CPSF4: variants seen among roughly 807,000 people sequenced by gnomAD.
The protein encoded by CPSF4 is cleavage and polyadenylation specificity factor subunit 4.
In CPSF4, 11 loss-of-function variants were observed where a neutral mutation model predicts 37.7. That is an observed-to-expected ratio of 0.29 (90% CI 0.18 to 0.48). The LOEUF is 0.48. Among genes scored for constraint, CPSF4 ranks in the 20% least tolerant of loss-of-function variants. The pLI, the probability that CPSF4 is intolerant of heterozygous loss-of-function variation, is 0.99. For synonymous variants in CPSF4, 132 were observed against 135.9 expected (o/e 0.97, Z 0.20); for missense variants, 144 against 359.5 (o/e 0.40, Z 4.85).
chr7:99,438,975 G>C lies in CPSF4; in HGVS notation c.-108G>C. 1 of 1,326,336 alleles carries C rather than the reference G, an allele frequency of 7.5e-7. No homozygotes were observed. Among genetic ancestry groups the C allele is most frequent in the Non-Finnish European group, 9.7e-7 (1 of 1,030,314 alleles). 82.2% of individuals were successfully genotyped at this position (1,326,336 alleles called of 1,614,324 possible). Reference sequence around the variant, plus strand: ...CTCGGGCGGCGGCGGCGGCGGCGGCGAGGCGAAGCGAAGGAGGAGTGTGTG... The same window carrying C: ...CTCGGGCGGCGGCGGCGGCGGCGGCCAGGCGAAGCGAAGGAGGAGTGTGTG... On this transcript the variant is annotated 5_prime_UTR_variant, in exon 1 of 8. Coordinates refer to ENST00000292476, the MANE Select transcript of CPSF4 (RefSeq NM_006693.4).
chr7:99,443,326 C>G, intron 1 of CPSF4: 1 of 936,734 alleles, frequency 1.1e-6, no homozygotes. Context: ...TCTTCTGTTT[C>G]ATCTCCTAGT....
chr7:99,442,747 G>T (rs1797131201), intron 1 of CPSF4: 2 of 579,072 alleles, frequency 3.5e-6, no homozygotes, highest in Non-Finnish European at 6.2e-6. Flanking sequence ...AAGTCAAACT[G>T]CCGCGGCAGT....
At chr7:99,452,496 C>CA in intron 6 of CPSF4, 56 bp downstream of exon 6, 1 of 1,485,672 alleles carries the variant, frequency 6.7e-7, no homozygotes, top group Non-Finnish European at 9.4e-7. Context: ...CAGCGAGAAC[C>CA]TCAGTGTCCC....
At chr7:99,443,306 G>GT in intron 1 of CPSF4, 3 of 859,032 alleles carry the variant, frequency 3.5e-6, no homozygotes, top group Non-Finnish European at 6.0e-6. Flanking sequence ...TTGACAAGGG[G>GT]TTTTTTTCTT....
chr7:99,444,643 G>T, intron 1 of CPSF4, 146 bp from the exon 2 acceptor site: 1 of 670,806 alleles, frequency 1.5e-6, no homozygotes, highest in East Asian at 2.8e-5. Flanking sequence ...GCTTGGTTGG[G>T]CTTTGCAAAT....
intron 5 of CPSF4, 200 bp downstream of exon 5, chr7:99,450,995 C>G (rs1797891014): frequency 1.8e-6 from 1 of 565,848 alleles, no homozygotes; most frequent in African/African-American, 1.9e-5. Flanking sequence ...CTGCCTAGAC[C>G]AGGAGCTGAT....
rs762892785 is a variant in CPSF4 at position 99,446,771 on chromosome 7, CTTTTTTTTTTTTTTTTTTTTT to C, written c.155-1333_155-1313del. Among the ~76,000 whole-genome samples, 60 of 29,126 alleles carry C rather than the reference CTTTTTTTTTTTTTTTTTTTTT, an allele frequency of 2.1e-3. 1 individual carries two copies. Among genetic ancestry groups the C allele is most frequent in the Middle Eastern group, 0.019 (1 of 52 alleles). 19.1% of individuals were successfully genotyped at this position (29,126 alleles called of 152,430 possible). On this transcript the variant is annotated intron_variant, in intron 2 of 7. Transcript: ENST00000292476. ...TACAGGTGTACACCACCATACCCAG[CTTTTTTTTTTTTTTTTTTTTT>C]TTTTTTTTTTTTTTTTAACGGAGTT...
Position 99,450,769 on chromosome 7 carries a change from G to A in CPSF4, c.471G>A (p.Pro157=), listed in dbSNP as rs747085181. ...ICVNYLVGFC[P]EGPSCKFMHP... Reference sequence around the variant, plus strand: ...TGAATTACCTCGTGGGATTCTGCCCGGAGGGGCCCTCGTGTAAATTCATGC... The same window carrying A: ...TGAATTACCTCGTGGGATTCTGCCCAGAGGGGCCCTCGTGTAAATTCATGC... The change falls in exon 5 of 8, where the codon CCG becomes CCA. Residue 157 remains proline, a synonymous_variant. Transcript: ENST00000292476. 40 of 1,613,734 alleles carry A rather than the reference G, an allele frequency of 2.5e-5. No individual in the cohort carries two copies. Among genetic ancestry groups the A allele is most frequent in the African/African-American group, 5.3e-5 (4 of 74,942 alleles).
chr7:99,454,534 C>T (rs1190130964), intron 7 of CPSF4, among the ~76,000 whole-genome samples: 2 of 152,102 alleles, frequency 1.3e-5, no homozygotes, highest in African/African-American at 4.8e-5. Context: ...GTTACAGCAC[C>T]CCTGTCCCCA....
In CPSF4 at chr7:99,456,479, G is replaced by A. The variant is rs748778614; in HGVS notation, c.789G>A (p.Leu263=). The A allele has an allele frequency of 5.6e-5, 90 of 1,614,048 alleles. No homozygotes were observed. The highest frequency in any genetic ancestry group is 6.9e-5 in the Non-Finnish European group (82 of 1,180,048). The change falls in exon 8 of 8, where the codon TTG becomes TTA. Residue 263 remains leucine (L), a synonymous_variant. Coordinates refer to ENST00000292476, the MANE Select transcript of CPSF4 (RefSeq NM_006693.4). ...HYANRCTKGH[L]AFLSGQ is the part of the protein sequence containing the mutation. ...CCAACAGATGCACCAAAGGGCACTT[G>A]GCCTTTCTCAGTGGACAGTGACAGC...
Position 99,448,423 on chromosome 7 carries a change from CT to C in CPSF4, c.307+154del. 2 of 686,776 alleles carry C rather than the reference CT, an allele frequency of 2.9e-6. No individual in the cohort carries two copies. Among genetic ancestry groups the C allele is most frequent in the Non-Finnish European group, 2.3e-6 (1 of 438,694 alleles). The allele number at this position is 686,776 out of a possible 1,614,324, so 42.5% of individuals were successfully genotyped here. ...GGCAGAACCTGCCAGCCTCAGCCAG[CT>C]TTTAGGGGACAGTGTGGCTATTTTC... On this transcript the variant is annotated intron_variant, in intron 3 of 7. Transcript: ENST00000292476. This position sits in a 1 kb window ranked among gnomAD's most constrained non-coding sequence, Gnocchi z 4.4.
intron 2 of CPSF4, among the ~76,000 whole-genome samples, chr7:99,445,071 G>A (rs45610838): frequency 0.044 from 6,629 of 152,204 alleles, 427 homozygotes; most frequent in African/African-American, 0.14. Context: ...CGCATTCCCC[G>A]TGGCCACAAG....
Position 99,453,890 on chromosome 7 carries a change from CT to C in CPSF4, c.571-70del. 2 of 1,461,286 alleles carry C rather than the reference CT, an allele frequency of 1.4e-6. No individual in the cohort carries two copies. Among genetic ancestry groups the C allele is most frequent in the Non-Finnish European group, 1.9e-6 (2 of 1,059,164 alleles). The allele number at this position is 1,461,286 out of a possible 1,614,324, so 90.5% of individuals were successfully genotyped here. A position where few individuals can be genotyped will look rare whatever the true frequency, so the allele number is the denominator to read the frequency against. On this transcript the variant is annotated intron_variant, in intron 6 of 7. Coordinates refer to ENST00000292476, the MANE Select transcript of CPSF4 (RefSeq NM_006693.4). The surrounding 1 kb of genome is among the most constrained non-coding windows in gnomAD (Gnocchi z 4.7). The stretch of plus-strand genomic sequence containing the variant: ...CCGTTTGCGGGACGAGTCCCGCCCT[CT>C]TTTTTCCTGTCCCCATCGGTAGTCT...
At position 99,444,799 on chromosome 7, in the gene CPSF4, T is replaced by G. The variant is rs747785959; in HGVS notation, c.114T>G (p.Ala38=). 25 of 1,613,694 alleles carry G rather than the reference T, an allele frequency of 1.5e-5. No homozygotes were observed. The highest frequency in any genetic ancestry group is 1.9e-5 in the Non-Finnish European group (23 of 1,179,834). The part of the protein sequence containing the change: ...LPFPGMDKSG[A]AVCEFFLKAA... Reference sequence around the variant, plus strand: ...CTCTCCTTTCTACAGAGTCGGGCGCTGCTGTCTGTGAATTCTTTTTGAAAG... The same window carrying G: ...CTCTCCTTTCTACAGAGTCGGGCGCGGCTGTCTGTGAATTCTTTTTGAAAG... The change falls in exon 2 of 8, where the codon GCT becomes GCG. Residue 38 remains alanine (A), a synonymous_variant. Transcript: ENST00000292476.
chr7:99,444,232 G>A (rs1409919930), intron 1 of CPSF4, among the ~76,000 whole-genome samples: 3 of 152,130 alleles, frequency 2.0e-5, no homozygotes, highest in Non-Finnish European at 4.4e-5. Context: ...CGAGGTGGGT[G>A]GATCACCTGA....
At position 99,448,133 on chromosome 7, in the gene CPSF4, C is replaced by T; in HGVS notation, c.167C>T (p.Pro56Leu). The T allele has an allele frequency of 1.2e-6, 2 of 1,614,032 alleles. No individual in the cohort carries two copies. Among genetic ancestry groups the T allele is most frequent in the Non-Finnish European group, 1.7e-6 (2 of 1,179,962 alleles). ...ATCTTGCCGGCAGGGGGCATGTGTC[C>T]GTTTCGCCACATCAGTGGTGAGAAG... ...KAACGKGGMC[P>L]FRHISGEKTV... The change falls in exon 3 of 8, where the codon CCG (proline) becomes CTG (leucine). Residue 56 changes from proline (P) to leucine (L), a missense_variant. Physicochemically the swap from Pro to Leu is moderately conservative, Grantham distance 98 (BLOSUM62 -3). Transcript: ENST00000292476. This position sits in a 1 kb window ranked among gnomAD's most constrained non-coding sequence, Gnocchi z 4.4.
intron 1 of CPSF4, among the ~76,000 whole-genome samples, chr7:99,444,254 C>T (rs887726753): frequency 1.3e-4 from 20 of 151,908 alleles, no homozygotes; most frequent in Middle Eastern, 3.4e-3. Flanking sequence ...GTCAAGAGTT[C>T]GAGACCAGCC....
In CPSF4 at chr7:99,439,136, G is replaced by A. The variant is rs752238681; in HGVS notation, c.54G>A (p.Ala18=). The A allele has an allele frequency of 8.7e-6, 14 of 1,611,150 alleles. No individual in the cohort carries two copies. The African/African-American group carries it at 1.6e-4, about 18-fold the overall frequency. The change falls in exon 1 of 8, where the codon GCG becomes GCA. Residue 18 remains alanine, a synonymous_variant. Transcript: ENST00000292476. Reference sequence around the variant, plus strand: ...ACATCAAGTTTGACTTGGAGATCGCGGTGGAGCAGCAGCTGGGGGCGCAGC... The same window carrying A: ...ACATCAAGTTTGACTTGGAGATCGCAGTGGAGCAGCAGCTGGGGGCGCAGC... The part of the protein sequence containing the change: ...VDHIKFDLEI[A]VEQQLGAQPL...
chr7:99,453,667 A>G lies in CPSF4; in HGVS notation c.571-299A>G, dbSNP rs923613728. The G allele has an allele frequency of 1.5e-4, 46 of 302,398 alleles. No individual in the cohort carries two copies. The Middle Eastern group carries it at 5.6e-3, about 37-fold the overall frequency. The allele number at this position is 302,398 out of a possible 1,614,324, so 18.7% of individuals were successfully genotyped here. On this transcript the variant is annotated intron_variant, in intron 6 of 7. Transcript: ENST00000292476. This position sits in a 1 kb window ranked among gnomAD's most constrained non-coding sequence, Gnocchi z 4.7. ...CCTGAAGCCAGAACCTCAGAAACCA[A>G]AGTAAGGCCTGATCATGCCCTCGCC...
Sources: allele counts gnomAD v4.1 joint callset (sites outside exome capture counted in the v4.1 genomes callset), GRCh38; gene constraint gnomAD v4.1.1; non-coding constraint Gnocchi (gnomAD v3.1); transcripts MANE v1.5; gene names NCBI Gene and HGNC (gene_info 2026-07-23, HGNC 2026-07-21).